Variants in SPTBN1 observed in about 807,000 individuals in gnomAD.
SPTBN1 encodes spectrin beta, non-erythrocytic 1.
SPTBN1 carries 32 observed loss-of-function variants against 266.4 expected under a neutral mutation model. The ratio of observed to expected loss-of-function variants is 0.12; its 90% CI spans 0.09 to 0.16. SPTBN1 has a LOEUF of 0.16. Ranked by LOEUF, SPTBN1 falls within the 10% of genes least tolerant of loss-of-function variation. The probability of loss-of-function intolerance (pLI) is 1.00; values close to 1 mark genes in which losing one functional copy is unlikely to be tolerated. For synonymous variants in SPTBN1, 1,336 were observed against 1,162.2 expected (o/e 1.15, Z -3.04); for missense variants, 2,296 against 3,067.1 (o/e 0.75, Z 5.94).
intron 2 of SPTBN1, among the ~76,000 whole-genome samples, chr2:54,569,847 T>A (rs1673932283): frequency 1.3e-5 from 2 of 152,146 alleles, no homozygotes. Flanking sequence ...CCCAGCAGGG[T>A]GAGCCTTGTA....
intron 2 of SPTBN1, among the ~76,000 whole-genome samples, chr2:54,547,981 A>C (rs1672347681): frequency 1.3e-5 from 2 of 151,798 alleles, no homozygotes; most frequent in Non-Finnish European, 2.9e-5. Context: ...GTCTCTACTA[A>C]AAATACAAAA....
chr2:54,469,081 C>T (rs768079661), intron 1 of SPTBN1, among the ~76,000 whole-genome samples: 6 of 152,096 alleles, frequency 3.9e-5, no homozygotes, highest in Middle Eastern at 6.3e-3. Context: ...GAAGAAAAAG[C>T]GTTATTTCTA....
intron 1 of SPTBN1, among the ~76,000 whole-genome samples, chr2:54,468,037 G>T (rs1031203391): frequency 1.3e-5 from 2 of 152,088 alleles, no homozygotes; most frequent in African/African-American, 2.4e-5. Flanking sequence ...GGCCAGGTGC[G>T]GTGGCTCACG....
intron 1 of SPTBN1, among the ~76,000 whole-genome samples, chr2:54,495,882 CAA>C: frequency 6.6e-6 from 1 of 151,862 alleles, no homozygotes; most frequent in South Asian, 2.1e-4. Flanking sequence ...GCAAGTAAAT[CAA>C]AGAATATAGT....
chr2:54,596,644 A>C (rs2103662728), intron 2 of SPTBN1, among the ~76,000 whole-genome samples: 1 of 152,304 alleles, frequency 6.6e-6, no homozygotes, highest in African/African-American at 2.4e-5. Context: ...AGGGAGGGGA[A>C]CAGGAAGAGA....
At chr2:54,648,679 C>T (rs964527848) in intron 24 of SPTBN1, among the ~76,000 whole-genome samples, 4 of 152,172 alleles carry the variant, frequency 2.6e-5, no homozygotes, top group South Asian at 2.1e-4. Flanking sequence ...CCCCTTTCCC[C>T]GCTAAATTCT....
At chr2:54,596,514 T>A (rs920431942) in intron 2 of SPTBN1, among the ~76,000 whole-genome samples, 1 of 152,074 alleles carries the variant, frequency 6.6e-6, no homozygotes, top group Non-Finnish European at 1.5e-5. Context: ...GGTCCCCGGA[T>A]GGAATCTTCT....
Position 54,649,605 on chromosome 2 carries a change from C to T in SPTBN1, c.5203-10C>T. ...GGGCTCTCTGATTTCCTTACCCATC[C>T]CCGTTTCAGATGTTACAAGAACGAT... On this transcript the variant is annotated splice_polypyrimidine_tract_variant and intron_variant, in intron 25 of 35. Transcript: ENST00000356805. The surrounding 1 kb of genome is among the most constrained non-coding windows in gnomAD (Gnocchi z 6.7). The T allele has an allele frequency of 1.2e-6, 2 of 1,602,540 alleles. No homozygotes were observed. The highest frequency in any genetic ancestry group is 8.5e-7 in the Non-Finnish European group (1 of 1,170,284).
intron 1 of SPTBN1, among the ~76,000 whole-genome samples, chr2:54,484,680 T>G (rs1197694140): frequency 6.6e-6 from 1 of 152,190 alleles, no homozygotes; most frequent in African/African-American, 2.4e-5. Context: ...TAGGATAGAA[T>G]TTCAAAGGAC....
Position 54,664,566 on chromosome 2 carries a change from T to G in SPTBN1, c.6534T>G (p.Thr2178=). The change falls in exon 33 of 36, where the codon ACT becomes ACG. Residue 2178 remains threonine (T), a synonymous_variant. Transcript: ENST00000356805. The surrounding 1 kb of genome is among the most constrained non-coding windows in gnomAD (Gnocchi z 5.6). ...PSPTSDRKAK[T]ALPAQSAATL... is the part of the protein sequence containing the mutation. ...CGACCTCTGATCGTAAAGCCAAGAC[T>G]GCCCTCCCAGCCCAGAGTGCCGCCA... 6.2e-7 allele frequency: 1 copy of G among 1,614,152 alleles called. No homozygotes were observed. The highest frequency in any genetic ancestry group is 1.1e-5 in the South Asian group (1 of 91,080).
At chr2:54,473,906 C>T (rs992159945) in intron 1 of SPTBN1, among the ~76,000 whole-genome samples, 1 of 152,200 alleles carries the variant, frequency 6.6e-6, no homozygotes, top group Non-Finnish European at 1.5e-5. Context: ...ATAAGCTTAG[C>T]ATTTAAAATA....
chr2:54,575,716 T>C (rs747834247), intron 2 of SPTBN1, among the ~76,000 whole-genome samples: 1 of 152,266 alleles, frequency 6.6e-6, no homozygotes, highest in Non-Finnish European at 1.5e-5. Flanking sequence ...ACATCTGTTA[T>C]GATGCAATTA....
At chr2:54,479,019 A>G (rs80044257) in intron 1 of SPTBN1, among the ~76,000 whole-genome samples, 4,648 of 152,318 alleles carry the variant, frequency 0.031, 237 homozygotes, top group African/African-American at 0.1. Flanking sequence ...AATAAAAATA[A>G]CAAACAACTG....
At chr2:54,666,804 C>T (rs1681401004) in intron 34 of SPTBN1, among the ~76,000 whole-genome samples, 1 of 152,242 alleles carries the variant, frequency 6.6e-6, no homozygotes, top group African/African-American at 2.4e-5. Context: ...TTGTATGTTT[C>T]ATGCCAGTTG....
chr2:54,651,346 G>T (rs1680270882), intron 26 of SPTBN1, among the ~76,000 whole-genome samples: 1 of 147,488 alleles, frequency 6.8e-6, no homozygotes, highest in Non-Finnish European at 1.5e-5. Flanking sequence ...GAGTCTGATA[G>T]TCTGCACCTC....
chr2:54,492,988 C>T (rs1321154641), intron 1 of SPTBN1, among the ~76,000 whole-genome samples: 3 of 147,912 alleles, frequency 2.0e-5, no homozygotes, highest in Admixed American at 6.8e-5. Context: ...TTAGATAGAA[C>T]TAAATAACAT....
At position 54,668,400 on chromosome 2, in the gene SPTBN1, A is replaced by T. The variant is rs1315442161; in HGVS notation, c.6926A>T (p.Asp2309Val). 2.5e-6 allele frequency: 4 copies of T among 1,614,006 alleles called. No homozygotes were observed. The highest frequency in any genetic ancestry group is 1.3e-5 in the African/African-American group (1 of 74,888). Residue 2309 changes from aspartate (D) to valine (V), a missense_variant, in exon 36 of 36, where the codon GAT becomes GTT. Asp to Val is a radical substitution (Grantham distance 152, BLOSUM62 -3). Around this residue, in one of 12 missense-constraint regions of SPTBN1, gnomAD observed 347 missense variants for 368.5 expected, o/e 0.94. Transcript: ENST00000356805. Reference protein sequence around the residue: ...IQAISSAISSDKHEVSASTQS... With the variant: ...IQAISSAISSVKHEVSASTQS... ...GCTATCTCTTCCGCCATCTCCTCTG[A>T]TAAACACGAGGTGTCTGCCAGCACC...
chr2:54,461,543 C>T (rs13034739), intron 1 of SPTBN1, among the ~76,000 whole-genome samples: 23,819 of 152,138 alleles, frequency 0.16, 2,014 homozygotes, highest in African/African-American at 0.19. Context: ...TTTTACAAAG[C>T]GATTATGTTG....
intron 1 of SPTBN1, among the ~76,000 whole-genome samples, chr2:54,479,050 A>T (rs1355186585): frequency 3.9e-5 from 6 of 152,204 alleles, no homozygotes; most frequent in Admixed American, 1.3e-4. Context: ...CTGCCTGGCC[A>T]GGCTGAAGGA....
Sources: gnomAD v4.1 joint callset for allele counts (sites outside exome capture counted in the v4.1 genomes callset) on GRCh38, gnomAD v4.1.1 for gene constraint, gnomAD v4.1.1 regional missense constraint, Gnocchi (gnomAD v3.1) non-coding constraint, MANE v1.5 for transcripts, NCBI Gene and HGNC (gene_info 2026-07-23, HGNC 2026-07-21) for gene names.